CLASP1: variants seen among roughly 807,000 people sequenced by gnomAD.
CLASP1 encodes the protein CLIP-associating protein 1.
CLASP1 carries 38 observed loss-of-function variants against 192.3 expected under a neutral mutation model. The ratio of observed to expected loss-of-function variants is 0.20; its 90% CI spans 0.15 to 0.26. The LOEUF (loss-of-function observed/expected upper bound fraction) is 0.26, where lower values mean the gene tolerates loss of function less well. Ranked by LOEUF, CLASP1 falls within the 10% of genes least tolerant of loss-of-function variation. The pLI is 1.00. For synonymous variants in CLASP1, 691 were observed against 712.8 expected (o/e 0.97, Z 0.49); for missense variants, 1,433 against 1,932.5 (o/e 0.74, Z 4.85).
At chr2:121,626,186 G>A (rs1052476526) in intron 1 of CLASP1, among the ~76,000 whole-genome samples, 4 of 151,736 alleles carry the variant, frequency 2.6e-5, no homozygotes, top group Non-Finnish European at 5.9e-5. Flanking sequence ...TTTCCCAAGG[G>A]AGCTAGGTTA....
At chr2:121,464,772 GA>G (rs1357991957) in intron 9 of CLASP1, among the ~76,000 whole-genome samples, 1 of 152,014 alleles carries the variant, frequency 6.6e-6, no homozygotes, top group Non-Finnish European at 1.5e-5. Flanking sequence ...AGTAGGTTGC[GA>G]AAATTTTCTC....
intron 8 of CLASP1, among the ~76,000 whole-genome samples, chr2:121,479,054 C>A (rs530347029): frequency 0.04 from 3,898 of 96,756 alleles, 333 homozygotes; most frequent in Middle Eastern, 0.083. Context: ...CACACCCCCC[C>A]CCCACACACA....
chr2:121,639,416 G>A (rs1370412521), intron 1 of CLASP1, among the ~76,000 whole-genome samples: 2 of 152,156 alleles, frequency 1.3e-5, no homozygotes, highest in African/African-American at 4.8e-5. Flanking sequence ...TAGATCAGAG[G>A]TTACCAGGTG....
At chr2:121,445,871 A>AT (rs1364685240) in intron 19 of CLASP1, among the ~76,000 whole-genome samples, 1 of 152,196 alleles carries the variant, frequency 6.6e-6, no homozygotes, top group East Asian at 1.9e-4. Context: ...ACTGAGGCTG[A>AT]TTTTTACTCA....
chr2:121,376,393 GAGGACATTA>G (rs1260905060), intron 34 of CLASP1, among the ~76,000 whole-genome samples: 11 of 152,252 alleles, frequency 7.2e-5, no homozygotes, highest in South Asian at 2.1e-4. Context: ...GGATGAACTG[GAGGACATTA>G]AGTGAAATAA....
At chr2:121,502,786 TA>T (rs2093800748) in intron 8 of CLASP1, among the ~76,000 whole-genome samples, 1 of 152,128 alleles carries the variant, frequency 6.6e-6, no homozygotes, top group African/African-American at 2.4e-5. Context: ...CTGGTTGCTA[TA>T]TGAAAAACAG....
intron 2 of CLASP1, among the ~76,000 whole-genome samples, chr2:121,595,858 G>A (rs929413644): frequency 7.9e-5 from 12 of 152,032 alleles, no homozygotes; most frequent in South Asian, 2.1e-4. Flanking sequence ...ATACATTTTC[G>A]TCAACTTCCT....
At chr2:121,492,966 T>G (rs1384183215) in intron 8 of CLASP1, among the ~76,000 whole-genome samples, 2 of 152,206 alleles carry the variant, frequency 1.3e-5, no homozygotes, top group Non-Finnish European at 2.9e-5. Flanking sequence ...TATCTGTGAC[T>G]ATACTAAAAA....
chr2:121,417,401 G>C (rs2149547686), intron 23 of CLASP1, among the ~76,000 whole-genome samples: 1 of 151,544 alleles, frequency 6.6e-6, no homozygotes, highest in Non-Finnish European at 1.5e-5. Flanking sequence ...TAGTGAGCAA[G>C]GATGCAAAGA....
At chr2:121,631,285 T>A (rs2069593655) in intron 1 of CLASP1, among the ~76,000 whole-genome samples, 1 of 150,222 alleles carries the variant, frequency 6.7e-6, no homozygotes, top group Admixed American at 6.6e-5. Flanking sequence ...ATTTTAAAAT[T>A]ACTTTTTTTT....
At chr2:121,632,012 A>T (rs1421982975) in intron 1 of CLASP1, among the ~76,000 whole-genome samples, 1 of 152,124 alleles carries the variant, frequency 6.6e-6, no homozygotes, top group Non-Finnish European at 1.5e-5. Context: ...ACGCCACTGC[A>T]CTCCAGCCCA....
intron 1 of CLASP1, among the ~76,000 whole-genome samples, chr2:121,636,338 AAAT>A (rs58688393): frequency 0.025 from 3,469 of 138,110 alleles, 69 homozygotes; most frequent in African/African-American, 0.06. Flanking sequence ...TCCATTTCAA[AAAT>A]AATAATAATA....
intron 34 of CLASP1, among the ~76,000 whole-genome samples, chr2:121,368,222 A>C (rs1438330257): frequency 6.6e-6 from 1 of 152,106 alleles, no homozygotes; most frequent in Non-Finnish European, 1.5e-5. Context: ...CCACATCCAC[A>C]GACAGAAGCT....
At chr2:121,634,427 C>G (rs1179895606) in intron 1 of CLASP1, among the ~76,000 whole-genome samples, 2 of 152,148 alleles carry the variant, frequency 1.3e-5, no homozygotes. Context: ...TGTGTACACC[C>G]TTTCTGCATC....
intron 14 of CLASP1, among the ~76,000 whole-genome samples, chr2:121,456,892 T>C (rs927389282): frequency 5.9e-5 from 9 of 152,122 alleles, no homozygotes; most frequent in African/African-American, 1.9e-4. Flanking sequence ...CCTATAAGAC[T>C]CCCAATACAG....
rs144010551 is a variant in CLASP1, at chr2:121,470,883, A to G, written c.713-923T>C. ...ATCAATCTGACAGGTGAAAAAAAAG[A>G]CTTCACTTTCTATGTTGCATTTCTT... is the stretch of plus-strand genomic sequence containing the variant. On this transcript the variant is annotated intron_variant, in intron 8 of 39. Coordinates refer to ENST00000263710, the Ensembl canonical transcript of CLASP1. 4.0e-4 allele frequency among the ~76,000 whole-genome samples: 61 copies of G among 152,320 alleles called. 1 individual carries two copies. In the East Asian group the frequency reaches 0.01, roughly 26 times the overall value.
At chr2:121,495,156 A>C (rs1575454196) in intron 8 of CLASP1, among the ~76,000 whole-genome samples, 1 of 152,002 alleles carries the variant, frequency 6.6e-6, no homozygotes, top group Middle Eastern at 3.4e-3. Context: ...CTCCATCTCT[A>C]CTAAAAATAC....
intron 34 of CLASP1, among the ~76,000 whole-genome samples, chr2:121,376,706 G>A (rs1395331184): frequency 2.0e-5 from 3 of 152,322 alleles, no homozygotes; most frequent in East Asian, 3.9e-4. Flanking sequence ...GCAAGTGAGT[G>A]AAGCTTCATC....
At chr2:121,576,752 T>C (rs1453811049) in intron 2 of CLASP1, among the ~76,000 whole-genome samples, 1 of 152,242 alleles carries the variant, frequency 6.6e-6, no homozygotes, top group Non-Finnish European at 1.5e-5. Context: ...CACTAACTCA[T>C]GTTCTGAAAA....
Sources: allele counts gnomAD v4.1 joint callset (sites outside exome capture counted in the v4.1 genomes callset), GRCh38; gene constraint gnomAD v4.1.1; transcripts MANE v1.5; gene names NCBI Gene and HGNC (gene_info 2026-07-23, HGNC 2026-07-21).